Variants in OCA2 observed in about 807,000 individuals in gnomAD.
OCA2 encodes P protein.
Under a neutral mutation model 100.2 loss-of-function variants are expected in OCA2, and 77 were observed. That is an observed-to-expected ratio of 0.77 (90% CI 0.64 to 0.93). The LOEUF is 0.93. OCA2 is among the 40% of genes least tolerant of loss of function. The pLI is 0.00. For synonymous variants in OCA2, 432 were observed against 439.2 expected (o/e 0.98, Z 0.21); for missense variants, 1,062 against 1,089.1 (o/e 0.98, Z 0.35).
At chr15:27,759,514 G>A (rs543310368) in intron 23 of OCA2, among the ~76,000 whole-genome samples, 1 of 151,970 alleles carries the variant, frequency 6.6e-6, no homozygotes, top group South Asian at 2.1e-4. Flanking sequence ...CAAAAGAGCA[G>A]GAATGGCTAT....
intron 1 of OCA2, among the ~76,000 whole-genome samples, chr15:28,091,237 G>A (rs2044865025): frequency 6.6e-6 from 1 of 152,108 alleles, no homozygotes; most frequent in Admixed American, 6.5e-5. Context: ...TTTCACTAGA[G>A]AATTCTACCA....
chr15:27,814,000 G>C (rs1243837797), intron 23 of OCA2, among the ~76,000 whole-genome samples: 1 of 152,104 alleles, frequency 6.6e-6, no homozygotes, highest in Non-Finnish European at 1.5e-5. Flanking sequence ...AGGGTAATTG[G>C]AATACCCATC....
the OCA2 span, among the ~76,000 whole-genome samples, chr15:27,735,235 A>C: frequency 1.3e-5 from 2 of 152,358 alleles, no homozygotes; most frequent in East Asian, 3.9e-4. Context: ...AATGCAATAG[A>C]GAGCATCAAC....
At chr15:28,089,186 C>A (rs750632815) in intron 1 of OCA2, among the ~76,000 whole-genome samples, 1 of 152,208 alleles carries the variant, frequency 6.6e-6, no homozygotes, top group Non-Finnish European at 1.5e-5. Flanking sequence ...CTCCTTTGCT[C>A]CCTGAACATT....
intron 23 of OCA2, among the ~76,000 whole-genome samples, chr15:27,813,334 G>A (rs945230169): frequency 6.6e-6 from 1 of 152,090 alleles, no homozygotes; most frequent in Non-Finnish European, 1.5e-5. Flanking sequence ...CCTGACCCCA[G>A]CAGGAGGGGC....
chr15:27,889,689 T>C (rs2037376570), intron 19 of OCA2, among the ~76,000 whole-genome samples: 1 of 152,174 alleles, frequency 6.6e-6, no homozygotes, highest in Non-Finnish European at 1.5e-5. Context: ...TATCAGGGAT[T>C]TGCTAGCCTG....
At chr15:27,867,039 G>A (rs1271930416) in intron 21 of OCA2, among the ~76,000 whole-genome samples, 1 of 152,228 alleles carries the variant, frequency 6.6e-6, no homozygotes, top group Non-Finnish European at 1.5e-5. Context: ...GGGCTTGTGG[G>A]CAGCCGCCCC....
the OCA2 span, among the ~76,000 whole-genome samples, chr15:27,719,360 C>T: frequency 3.3e-4 from 50 of 152,290 alleles, no homozygotes; most frequent in African/African-American, 1.2e-3. Flanking sequence ...TTAATTAGGA[C>T]TCTACACTTA....
At chr15:27,890,458 G>A (rs2037410008) in intron 19 of OCA2, among the ~76,000 whole-genome samples, 1 of 152,142 alleles carries the variant, frequency 6.6e-6, no homozygotes, top group Admixed American at 6.5e-5. Context: ...CTTGAATGCA[G>A]CCAGAAAGTA....
rs571377576 is a variant in OCA2 at position 27,982,989 on chromosome 15, G to A, written c.1503+356C>T. On this transcript the variant is annotated intron_variant, in intron 14 of 23. Coordinates refer to ENST00000354638, the MANE Select transcript of OCA2 (RefSeq NM_000275.3). ...CAGTAAACTAATCCACCACAGTTTG[G>A]GAATCCCATATCTCCAGTGAGAGGG... is the stretch of plus-strand genomic sequence containing the variant. Among the ~76,000 whole-genome samples, 18 of 152,186 alleles carry A rather than the reference G, an allele frequency of 1.2e-4. No individual in the cohort carries two copies. The East Asian group carries it at 3.5e-3, about 29-fold the overall frequency.
intron 2 of OCA2, 72 bp from the exon 3 acceptor site, chr15:28,032,235 T>A: frequency 8.6e-7 from 1 of 1,157,690 alleles, no homozygotes; most frequent in Non-Finnish European, 1.3e-6. Flanking sequence ...ACTCAGGTGC[T>A]AGATTCAAGA....
At chr15:28,082,040 C>T (rs1288319305) in intron 1 of OCA2, 145 bp from the exon 2 acceptor site, 14 of 704,108 alleles carry the variant, frequency 2.0e-5, no homozygotes, top group Non-Finnish European at 2.9e-5. Context: ...AGCATTTCAC[C>T]CTAGTGAGAA....
At chr15:27,927,843 G>A (rs533063994) in intron 18 of OCA2, among the ~76,000 whole-genome samples, 2 of 138,548 alleles carry the variant, frequency 1.4e-5, no homozygotes, top group Admixed American at 1.6e-4. Context: ...CCAGGCTGGA[G>A]TGCAGTGGTG....
intron 19 of OCA2, among the ~76,000 whole-genome samples, chr15:27,922,078 C>T (rs1215728215): frequency 6.6e-6 from 1 of 152,208 alleles, no homozygotes; most frequent in Non-Finnish European, 1.5e-5. Flanking sequence ...CATAAGTTTA[C>T]ATCGTCTGTT....
chr15:27,841,085 T>C (rs939169195), intron 23 of OCA2, among the ~76,000 whole-genome samples: 3 of 152,218 alleles, frequency 2.0e-5, no homozygotes, highest in Non-Finnish European at 4.4e-5. Context: ...AGTGAGGAGA[T>C]GACTAAACAA....
chr15:27,925,130 A>G (rs549706012), intron 19 of OCA2, among the ~76,000 whole-genome samples: 1 of 152,324 alleles, frequency 6.6e-6, no homozygotes, highest in South Asian at 2.1e-4. Context: ...ACCCAATCCA[A>G]CAAAATAGTT....
intron 19 of OCA2, among the ~76,000 whole-genome samples, chr15:27,893,795 T>C (rs1188710452): frequency 6.6e-6 from 1 of 152,226 alleles, no homozygotes; most frequent in African/African-American, 2.4e-5. Context: ...CGTGCACCGC[T>C]GAACATAGAC....
chr15:27,971,925 G>A (rs990705271), intron 14 of OCA2, among the ~76,000 whole-genome samples: 1 of 151,960 alleles, frequency 6.6e-6, no homozygotes. Flanking sequence ...CATCACCAGA[G>A]TAGTGGACAT....
chr15:27,976,369 A>G (rs900868782), intron 14 of OCA2, among the ~76,000 whole-genome samples: 1 of 152,202 alleles, frequency 6.6e-6, no homozygotes, highest in Non-Finnish European at 1.5e-5. Context: ...GTTATTCTCA[A>G]TGAAGTATGA....
Sources: gnomAD v4.1 joint callset for allele counts (sites outside exome capture counted in the v4.1 genomes callset) on GRCh38, gnomAD v4.1.1 for gene constraint, MANE v1.5 for transcripts, NCBI Gene and HGNC (gene_info 2026-07-23, HGNC 2026-07-21) for gene names.